GNAQ: variants seen among roughly 807,000 people sequenced by gnomAD.
GNAQ encodes G protein subunit alpha q, also known as guanine nucleotide-binding protein G(q) subunit alpha.
In GNAQ, 8 loss-of-function variants were observed where a neutral mutation model predicts 43.9. That is an observed-to-expected ratio of 0.18 (90% CI 0.11 to 0.33). GNAQ has a LOEUF of 0.33. Among genes scored for constraint, GNAQ ranks in the 10% least tolerant of loss-of-function variants. The pLI is 1.00. For synonymous variants in GNAQ, 155 were observed against 170.7 expected, an observed-to-expected ratio of 0.91 and a Z score of 0.71; for missense variants, 158 against 450.8, an observed-to-expected ratio of 0.35 and a Z score of 5.88.
intron 1 of GNAQ, among the ~76,000 whole-genome samples, chr9:77,962,761 A>G: frequency 6.6e-6 from 1 of 151,850 alleles, no homozygotes; most frequent in Admixed American, 6.6e-5. Flanking sequence ...GTATGGTGGC[A>G]GGCACCTGTA....
intron 1 of GNAQ, among the ~76,000 whole-genome samples, chr9:77,935,328 C>G (rs928804232): frequency 1.3e-5 from 2 of 152,044 alleles, no homozygotes; most frequent in Non-Finnish European, 2.9e-5. Flanking sequence ...TGGCATTAAA[C>G]CACCCAGCAA....
At chr9:78,023,374 T>C (rs1041583) in intron 1 of GNAQ, among the ~76,000 whole-genome samples, 112,013 of 152,058 alleles carry the variant, frequency 0.74, 41,444 homozygotes, top group South Asian at 0.77. Context: ...CTAAATCGTA[T>C]GCAAATGTGC....
intron 5 of GNAQ, among the ~76,000 whole-genome samples, chr9:77,734,416 A>G (rs1055320580): frequency 6.6e-6 from 1 of 152,214 alleles, no homozygotes; most frequent in Non-Finnish European, 1.5e-5. Flanking sequence ...TACATTTCCC[A>G]TAAAGTCTAA....
chr9:77,850,093 C>T (rs1827649228), intron 2 of GNAQ, among the ~76,000 whole-genome samples: 1 of 152,254 alleles, frequency 6.6e-6, no homozygotes, highest in African/African-American at 2.4e-5. Flanking sequence ...CCAGTACTTC[C>T]AAATGTCGGC....
chr9:78,020,630 GATT>G (rs1336146740), intron 1 of GNAQ, among the ~76,000 whole-genome samples: 1 of 152,130 alleles, frequency 6.6e-6, no homozygotes, highest in African/African-American at 2.4e-5. Context: ...GGCTCTTCCT[GATT>G]GAGAACATCA....
At chr9:77,948,784 T>A (rs201666872) in intron 1 of GNAQ, among the ~76,000 whole-genome samples, 2 of 152,140 alleles carry the variant, frequency 1.3e-5, no homozygotes, top group African/African-American at 2.4e-5. Flanking sequence ...AAATGAATAT[T>A]CCTACAGCCA....
intron 2 of GNAQ, among the ~76,000 whole-genome samples, chr9:77,863,179 A>G (rs868013085): frequency 5.8e-4 from 75 of 130,098 alleles, no homozygotes; most frequent in Middle Eastern, 3.7e-3. Context: ...CGTATGAAAG[A>G]AAGGAAGGAA....
chr9:77,752,637 T>C (rs991635484), intron 5 of GNAQ, among the ~76,000 whole-genome samples: 1 of 152,238 alleles, frequency 6.6e-6, no homozygotes, highest in African/African-American at 2.4e-5. Context: ...AAGGCTCTTT[T>C]GTCTCCTTGT....
chr9:77,881,535 T>C (rs920663428), intron 2 of GNAQ, among the ~76,000 whole-genome samples: 2 of 152,146 alleles, frequency 1.3e-5, no homozygotes, highest in Non-Finnish European at 2.9e-5. Flanking sequence ...CATGCCACCA[T>C]GCTCAGCTAA....
At chr9:77,760,276 G>A (rs973376538) in intron 5 of GNAQ, among the ~76,000 whole-genome samples, 3 of 150,884 alleles carry the variant, frequency 2.0e-5, no homozygotes, top group Non-Finnish European at 4.4e-5. Flanking sequence ...GGACTGTACT[G>A]CTGCCATCTC....
chr9:77,947,716 C>T (rs1482873540), intron 1 of GNAQ, among the ~76,000 whole-genome samples: 1 of 152,140 alleles, frequency 6.6e-6, no homozygotes, highest in East Asian at 1.9e-4. Flanking sequence ...ATTCGAATGT[C>T]CTGGGAACAT....
chr9:77,883,047 T>C (rs1256811182), intron 2 of GNAQ, among the ~76,000 whole-genome samples: 1 of 152,226 alleles, frequency 6.6e-6, no homozygotes, highest in Non-Finnish European at 1.5e-5. Context: ...CACAGCTTAC[T>C]AACCCAAGAA....
intron 2 of GNAQ, among the ~76,000 whole-genome samples, chr9:77,917,561 C>A (rs1828930895): frequency 6.6e-6 from 1 of 151,758 alleles, no homozygotes; most frequent in African/African-American, 2.4e-5. Flanking sequence ...CATAAAATAA[C>A]AGGGATAAAA....
chr9:77,808,906 T>C (rs1034345045), intron 3 of GNAQ, among the ~76,000 whole-genome samples: 5 of 151,702 alleles, frequency 3.3e-5, no homozygotes, highest in Non-Finnish European at 7.4e-5. Context: ...AAAAAAACTA[T>C]CAGAGGAAAG....
intron 2 of GNAQ, among the ~76,000 whole-genome samples, chr9:77,864,147 A>C (rs1327835809): frequency 1.3e-5 from 2 of 151,114 alleles, no homozygotes; most frequent in Non-Finnish European, 2.9e-5. Flanking sequence ...GAAGGAAGAA[A>C]GAGGGGAGGA....
At chr9:77,767,141 G>C in intron 5 of GNAQ, among the ~76,000 whole-genome samples, 1 of 152,118 alleles carries the variant, frequency 6.6e-6, no homozygotes, top group East Asian at 1.9e-4. Flanking sequence ...ATGTCAATGA[G>C]TTGGCAAGGG....
At chr9:77,910,994 T>C (rs1176854643) in intron 2 of GNAQ, among the ~76,000 whole-genome samples, 1 of 152,230 alleles carries the variant, frequency 6.6e-6, no homozygotes, top group African/African-American at 2.4e-5. Flanking sequence ...CGTTAATTCA[T>C]TCAACAGAGT....
chr9:77,842,336 G>A (rs898061227), intron 2 of GNAQ, among the ~76,000 whole-genome samples: 3 of 152,094 alleles, frequency 2.0e-5, no homozygotes, highest in Admixed American at 6.5e-5. Context: ...CCCTCTTTAC[G>A]GTCTGATCAA....
At chr9:77,958,141 A>G (rs1045599662) in intron 1 of GNAQ, among the ~76,000 whole-genome samples, 5 of 152,218 alleles carry the variant, frequency 3.3e-5, no homozygotes, top group African/African-American at 1.2e-4. Flanking sequence ...TGGGAGGGTT[A>G]AAACACAAAT....
Sources: allele counts gnomAD v4.1 joint callset (sites outside exome capture counted in the v4.1 genomes callset), GRCh38; gene constraint gnomAD v4.1.1; transcripts MANE v1.5; gene names NCBI Gene and HGNC (gene_info 2026-07-23, HGNC 2026-07-21).